The following DENND2B variants were observed in gnomAD, a reference collection of about 807,000 sequenced individuals.
DENND2B encodes the protein DENN domain containing 2B.
DENND2B carries 32 observed loss-of-function variants against 116.0 expected under a neutral mutation model. That is an observed-to-expected ratio of 0.28 (90% CI 0.21 to 0.37). DENND2B has a LOEUF of 0.37. DENND2B is among the 10% of genes least tolerant of loss of function. The probability of loss-of-function intolerance (pLI) is 1.00; values close to 1 mark genes in which losing one functional copy is unlikely to be tolerated. For synonymous variants in DENND2B, 588 were observed against 583.9 expected (o/e 1.01, Z -0.10); for missense variants, 1,276 against 1,477.7 (o/e 0.86, Z 2.24).
intron 2 of DENND2B, among the ~76,000 whole-genome samples, chr11:8,864,096 A>G (rs955540505): frequency 6.6e-6 from 1 of 152,162 alleles, no homozygotes; most frequent in African/African-American, 2.4e-5. Flanking sequence ...ATAACTGACT[A>G]GGCCCTGTTT....
intron 15 of DENND2B, 49 bp from the exon 16 acceptor site, chr11:8,699,023 A>T (rs768365376): frequency 6.2e-7 from 1 of 1,609,200 alleles, no homozygotes; most frequent in Non-Finnish European, 8.5e-7. Context: ...GAGTCCCGCA[A>T]TGCCCTCTGC....
intron 14 of DENND2B, chr11:8,699,774 C>A (rs1202612784): frequency 1.1e-5 from 5 of 443,186 alleles, no homozygotes; most frequent in Admixed American, 2.4e-5. Flanking sequence ...TCTCCCACCC[C>A]ACATCAGAAC....
At chr11:8,829,732 A>T (rs919470777) in intron 4 of DENND2B, among the ~76,000 whole-genome samples, 1 of 152,054 alleles carries the variant, frequency 6.6e-6, no homozygotes, top group Admixed American at 6.5e-5. Context: ...GGCCTATATC[A>T]CGGGTCCCGC....
chr11:8,853,340 G>A (rs1007166944), intron 3 of DENND2B, among the ~76,000 whole-genome samples: 1 of 152,164 alleles, frequency 6.6e-6, no homozygotes, highest in African/African-American at 2.4e-5. Context: ...TACAGCCTGG[G>A]CGACAAGAGC....
intron 1 of DENND2B, among the ~76,000 whole-genome samples, chr11:8,754,029 GCACACACA>G (rs60488372): frequency 2.2e-5 from 3 of 138,830 alleles, no homozygotes; most frequent in African/African-American, 8.2e-5. Flanking sequence ...CCAAAAGCGC[GCACACACA>G]CACACACACA....
intron 3 of DENND2B, among the ~76,000 whole-genome samples, chr11:8,852,300 T>C (rs1244623536): frequency 6.6e-6 from 1 of 152,054 alleles, no homozygotes. Context: ...CAAAGAAGAA[T>C]CAATAAAGAG....
chr11:8,867,589 T>TC (rs1221200919), intron 2 of DENND2B, among the ~76,000 whole-genome samples: 2 of 143,684 alleles, frequency 1.4e-5, no homozygotes, highest in Admixed American at 7.0e-5. Context: ...TTTTTTTTTT[T>TC]TTTTTTTGAG....
intron 1 of DENND2B, chr11:8,771,941 C>A (rs1257362838): frequency 1.3e-5 from 2 of 152,102 alleles, no homozygotes; most frequent in East Asian, 3.9e-4. Context: ...AGGGTCCTAC[C>A]TCTTAATACC....
chr11:8,816,343 C>T (rs1696124735), intron 4 of DENND2B, among the ~76,000 whole-genome samples: 1 of 152,164 alleles, frequency 6.6e-6, no homozygotes, highest in South Asian at 2.1e-4. Context: ...CCCAGGAGTT[C>T]AAGACTAGCC....
At chr11:8,741,471 A>G in intron 2 of DENND2B, among the ~76,000 whole-genome samples, 1 of 152,220 alleles carries the variant, frequency 6.6e-6, no homozygotes, top group South Asian at 2.1e-4. Flanking sequence ...GGGCTGCTGT[A>G]TAAAGCAGAG....
intron 2 of DENND2B, among the ~76,000 whole-genome samples, chr11:8,863,014 C>T (rs1400100049): frequency 1.3e-5 from 2 of 152,030 alleles, no homozygotes; most frequent in African/African-American, 2.4e-5. Flanking sequence ...CTAGCTAATT[C>T]TGATCACTGA....
At chr11:8,909,360 GTTTC>G (rs1231405043) in intron 1 of DENND2B, among the ~76,000 whole-genome samples, 4 of 151,766 alleles carry the variant, frequency 2.6e-5, no homozygotes, top group Non-Finnish European at 5.9e-5. Flanking sequence ...TGATACCCTC[GTTTC>G]TTTATTAAAC....
chr11:8,887,321 G>A (rs1175611537), intron 1 of DENND2B, among the ~76,000 whole-genome samples: 1 of 151,984 alleles, frequency 6.6e-6, no homozygotes, highest in Non-Finnish European at 1.5e-5. Context: ...AAACAATTTG[G>A]TTGTAGTCAA....
chr11:8,710,304 C>A (rs2043369333), intron 11 of DENND2B, among the ~76,000 whole-genome samples: 1 of 152,172 alleles, frequency 6.6e-6, no homozygotes, highest in Admixed American at 6.5e-5. Context: ...TAATCCCTTT[C>A]CCCTAGATTC....
chr11:8,838,734 T>C (rs1279818444), intron 4 of DENND2B, among the ~76,000 whole-genome samples: 3 of 152,240 alleles, frequency 2.0e-5, no homozygotes, highest in East Asian at 3.9e-4. Flanking sequence ...GATCTAAAGA[T>C]AGGATTGTAG....
rs144734464 is a variant in DENND2B at position 8,707,674 on chromosome 11, C to G, written c.2430+103G>C. ...TTGTTCCTGCATTCTGTCTCCCGCT[C>G]GCTCACAGTCACAGGTGGTTTTCTC... On this transcript the variant is annotated intron_variant, in intron 12 of 19. Transcript: ENST00000313726. The surrounding 1 kb of genome is among the most constrained non-coding windows in gnomAD (Gnocchi z 4.8). 1.4e-5 allele frequency: 16 copies of G among 1,108,462 alleles called. No individual in the cohort carries two copies. The African/African-American group carries it at 2.5e-4, about 17-fold the overall frequency. 68.7% of individuals were successfully genotyped at this position (1,108,462 alleles called of 1,614,324 possible). A position where few individuals can be genotyped will look rare whatever the true frequency, so the allele number is the denominator to read the frequency against.
chr11:8,726,463 A>C, intron 3 of DENND2B: 1 of 411,402 alleles, frequency 2.4e-6, no homozygotes, highest in Non-Finnish European at 4.3e-6. Flanking sequence ...GCTTAAAAGC[A>C]TGCTGTTCCA....
At chr11:8,896,534 C>T (rs1003411809) in intron 1 of DENND2B, among the ~76,000 whole-genome samples, 10 of 152,052 alleles carry the variant, frequency 6.6e-5, no homozygotes, top group African/African-American at 9.7e-5. Flanking sequence ...AACATAAAGC[C>T]GCAATAAAAC....
intron 1 of DENND2B, among the ~76,000 whole-genome samples, chr11:8,895,270 A>G (rs148485225): frequency 0.023 from 3,528 of 152,232 alleles, 48 homozygotes; most frequent in Middle Eastern, 0.034. Context: ...GGTGGGAGGG[A>G]TAGCATTAGG....
Sources: allele counts gnomAD v4.1 joint callset (sites outside exome capture counted in the v4.1 genomes callset), GRCh38; gene constraint gnomAD v4.1.1; non-coding constraint Gnocchi (gnomAD v3.1); transcripts MANE v1.5; gene names NCBI Gene and HGNC (gene_info 2026-07-23, HGNC 2026-07-21).